CNTNAP2: variants seen among roughly 807,000 people sequenced by gnomAD.
CNTNAP2 encodes the protein contactin associated protein 2.
Under a neutral mutation model 155.2 loss-of-function variants are expected in CNTNAP2, and 98 were observed. That is an observed-to-expected ratio of 0.63 (90% CI 0.54 to 0.75). The LOEUF is 0.75. Ranked by LOEUF, CNTNAP2 falls within the 30% of genes least tolerant of loss-of-function variation. The probability of loss-of-function intolerance (pLI) is 0.00; values close to 1 mark genes in which losing one functional copy is unlikely to be tolerated. For synonymous variants in CNTNAP2, 651 were observed against 631.2 expected (o/e 1.03, Z -0.47); for missense variants, 1,727 against 1,688.1 (o/e 1.02, Z -0.40).
intron 20 of CNTNAP2, among the ~76,000 whole-genome samples, chr7:148,241,381 G>T (rs1030954416): frequency 6.6e-6 from 1 of 152,142 alleles, no homozygotes; most frequent in Non-Finnish European, 1.5e-5. Context: ...TTGATTTGTA[G>T]TTCAACCCAT....
chr7:148,222,831 T>C (rs182606011), intron 19 of CNTNAP2, among the ~76,000 whole-genome samples: 1 of 152,148 alleles, frequency 6.6e-6, no homozygotes, highest in Non-Finnish European at 1.5e-5. Context: ...ACCAAGCTCA[T>C]GGGTGAGATG....
chr7:148,309,727 G>A (rs1054218830), intron 21 of CNTNAP2, among the ~76,000 whole-genome samples: 10 of 152,106 alleles, frequency 6.6e-5, no homozygotes, highest in African/African-American at 1.7e-4. Flanking sequence ...CTTCTTTTGT[G>A]GTGGAATGTC....
intron 3 of CNTNAP2, among the ~76,000 whole-genome samples, chr7:146,859,303 T>A (rs760605618): frequency 7.2e-5 from 11 of 152,210 alleles, no homozygotes; most frequent in Non-Finnish European, 1.3e-4. Context: ...GTATTATGCA[T>A]TAGCCCCTAT....
intron 13 of CNTNAP2, among the ~76,000 whole-genome samples, chr7:147,786,728 G>T (rs1036087807): frequency 6.6e-6 from 1 of 152,140 alleles, no homozygotes; most frequent in African/African-American, 2.4e-5. Context: ...AACACTTTGG[G>T]AGGCTGAGGC....
At chr7:146,478,314 C>T (rs566176456) in intron 1 of CNTNAP2, among the ~76,000 whole-genome samples, 6 of 151,938 alleles carry the variant, frequency 3.9e-5, no homozygotes, top group African/African-American at 9.7e-5. Flanking sequence ...ATAAAGAAAA[C>T]GAGAAAAAGA....
intron 8 of CNTNAP2, among the ~76,000 whole-genome samples, chr7:147,276,316 G>A (rs1242657000): frequency 1.3e-5 from 2 of 151,726 alleles, no homozygotes; most frequent in Non-Finnish European, 2.9e-5. Flanking sequence ...CTGGTCCTGG[G>A]CTTTTTGTTG....
chr7:146,958,332 A>G (rs1797478851), intron 3 of CNTNAP2, among the ~76,000 whole-genome samples: 1 of 151,992 alleles, frequency 6.6e-6, no homozygotes, highest in Non-Finnish European at 1.5e-5. Context: ...TACCAAACAC[A>G]GAAGAAAATG....
At chr7:147,127,826 A>G (rs1563086189) in intron 6 of CNTNAP2, among the ~76,000 whole-genome samples, 1 of 152,170 alleles carries the variant, frequency 6.6e-6, no homozygotes, top group Non-Finnish European at 1.5e-5. Context: ...TAAAAGATAT[A>G]TATTACAAGT....
chr7:146,275,107 C>A (rs1800143782), intron 1 of CNTNAP2, among the ~76,000 whole-genome samples: 1 of 152,180 alleles, frequency 6.6e-6, no homozygotes, highest in Non-Finnish European at 1.5e-5. Context: ...ACGCACTATG[C>A]ATTTGGTTCA....
intron 1 of CNTNAP2, among the ~76,000 whole-genome samples, chr7:146,414,020 T>C (rs1217704669): frequency 6.6e-6 from 1 of 152,142 alleles, no homozygotes; most frequent in Non-Finnish European, 1.5e-5. Flanking sequence ...TAATTATTTC[T>C]TCAGAGAAAA....
chr7:146,512,726 A>G (rs1295065227), intron 1 of CNTNAP2, among the ~76,000 whole-genome samples: 1 of 151,976 alleles, frequency 6.6e-6, no homozygotes, highest in Non-Finnish European at 1.5e-5. Flanking sequence ...TACCCTACAA[A>G]GTATTCCATG....
chr7:147,554,306 T>A (rs977203739), intron 11 of CNTNAP2, among the ~76,000 whole-genome samples: 1 of 152,162 alleles, frequency 6.6e-6, no homozygotes, highest in African/African-American at 2.4e-5. Flanking sequence ...CCAGGAAATA[T>A]GGCAATCACA....
chr7:146,821,632 A>G (rs1218279412), intron 2 of CNTNAP2, among the ~76,000 whole-genome samples: 3 of 152,110 alleles, frequency 2.0e-5, no homozygotes, highest in Non-Finnish European at 4.4e-5. Flanking sequence ...CAAGAAAAAA[A>G]CAAACAACCC....
At chr7:147,585,331 CAAT>C (rs1315334758) in intron 12 of CNTNAP2, among the ~76,000 whole-genome samples, 2 of 151,192 alleles carry the variant, frequency 1.3e-5, no homozygotes, top group South Asian at 2.1e-4. Flanking sequence ...ATTTAAAAAA[CAAT>C]AAATATCATT....
chr7:147,424,327 TG>T (rs1286512291), intron 10 of CNTNAP2, among the ~76,000 whole-genome samples: 1 of 152,200 alleles, frequency 6.6e-6, no homozygotes, highest in Non-Finnish European at 1.5e-5. Context: ...TATCAGTCCC[TG>T]TCAAGTCATC....
At chr7:146,528,792 T>C (rs1321772822) in intron 1 of CNTNAP2, among the ~76,000 whole-genome samples, 4 of 151,938 alleles carry the variant, frequency 2.6e-5, no homozygotes, top group Non-Finnish European at 4.4e-5. Flanking sequence ...ATATGAGAAC[T>C]GGAGGGTGAA....
intron 1 of CNTNAP2, among the ~76,000 whole-genome samples, chr7:146,231,015 A>AAAATAAAT (rs71527791): frequency 0.022 from 1,747 of 80,690 alleles, 37 homozygotes; most frequent in African/African-American, 0.052. Context: ...ACTTTGTCTC[A>AAAATAAAT]AAATAAATAA....
At position 146,550,401 on chromosome 7, in the gene CNTNAP2, G is replaced by GTTTTTTTTTTTTTTTTTT. The variant is rs10673467; in HGVS notation, c.98-223859_98-223842dup. 5.5e-5 allele frequency among the ~76,000 whole-genome samples: 3 copies of GTTTTTTTTTTTTTTTTTT among 54,382 alleles called. 1 individual carries two copies. Among genetic ancestry groups the GTTTTTTTTTTTTTTTTTT allele is most frequent in the African/African-American group, 1.4e-4 (2 of 14,076 alleles). 35.7% of individuals were successfully genotyped at this position (54,382 alleles called of 152,430 possible). A position where few individuals can be genotyped will look rare whatever the true frequency, so the allele number is the denominator to read the frequency against. On this transcript the variant is annotated intron_variant, in intron 1 of 23. Coordinates refer to ENST00000361727, the MANE Select transcript of CNTNAP2 (RefSeq NM_014141.6). ...TTATAGCAGTGAGGTCCATTAATCT[G>GTTTTTTTTTTTTTTTTTT]TTTTTTTTTTTTTTTTTTTTTTTTT... is the stretch of plus-strand genomic sequence containing the variant.
At chr7:147,923,665 C>A (rs1441135890) in intron 14 of CNTNAP2, among the ~76,000 whole-genome samples, 1 of 143,790 alleles carries the variant, frequency 7.0e-6, no homozygotes, top group Non-Finnish European at 1.5e-5. Context: ...AGGCATGCAC[C>A]ACCATGCCCA....
Sources: allele counts gnomAD v4.1 joint callset (sites outside exome capture counted in the v4.1 genomes callset), GRCh38; gene constraint gnomAD v4.1.1; transcripts MANE v1.5; gene names NCBI Gene and HGNC (gene_info 2026-07-23, HGNC 2026-07-21).